The following DACH2 variants were observed in gnomAD, a reference collection of about 807,000 sequenced individuals.
The protein encoded by DACH2 is dachshund homolog 2.
In DACH2, 17 loss-of-function variants were observed where a neutral mutation model predicts 35.8. That is an observed-to-expected ratio of 0.48 (90% CI 0.33 to 0.71). The LOEUF (loss-of-function observed/expected upper bound fraction) is 0.71. Among genes scored for constraint, DACH2 ranks in the 30% least tolerant of loss-of-function variants. The pLI is 0.02. For missense variants in DACH2, 469 were observed against 472.7 expected, an observed-to-expected ratio of 0.99 and a Z score of 0.07; for synonymous variants, 195 against 177.3, an observed-to-expected ratio of 1.10 and a Z score of -0.79.
intron 1 of DACH2, among the ~76,000 whole-genome samples, chrX:86,152,208 T>G (rs1336352791): frequency 9.0e-6 from 1 of 111,657 alleles, no homozygotes; most frequent in African/African-American, 3.3e-5. Context: ...TTGGCAATTT[T>G]CTCTTTCTGT....
At chrX:86,590,486 C>T (rs999046943) in intron 3 of DACH2, among the ~76,000 whole-genome samples, 1 of 111,810 alleles carries the variant, frequency 8.9e-6, no homozygotes, top group African/African-American at 3.2e-5. Flanking sequence ...ATCTTAGTTG[C>T]TTCCAAGTTT....
chrX:86,544,340 A>G (rs1413181312), intron 3 of DACH2, among the ~76,000 whole-genome samples: 1 of 111,258 alleles, frequency 9.0e-6, no homozygotes, highest in Non-Finnish European at 1.9e-5. Flanking sequence ...ACATATAGTC[A>G]TCAGATTATC....
At chrX:86,313,457 A>C (rs1428510406) in intron 1 of DACH2, among the ~76,000 whole-genome samples, 1 of 111,839 alleles carries the variant, frequency 8.9e-6, no homozygotes, top group Non-Finnish European at 1.9e-5. Flanking sequence ...TTCATTTCTC[A>C]ATTTAAAACA....
chrX:86,339,084 A>G (rs1338792606), intron 1 of DACH2, among the ~76,000 whole-genome samples: 1 of 111,952 alleles, frequency 8.9e-6, no homozygotes, highest in Non-Finnish European at 1.9e-5. Context: ...ATAGCCTACC[A>G]ACCAAAAACA....
At chrX:86,482,794 G>A (rs1291938619) in intron 2 of DACH2, among the ~76,000 whole-genome samples, 1 of 110,484 alleles carries the variant, frequency 9.1e-6, no homozygotes, top group Non-Finnish European at 1.9e-5. Flanking sequence ...TATACACCAT[G>A]GAATACTATG....
intron 1 of DACH2, among the ~76,000 whole-genome samples, chrX:86,270,039 A>AT (rs764916607): frequency 0.014 from 1,290 of 94,027 alleles, 9 homozygotes; most frequent in African/African-American, 0.037. Flanking sequence ...ATATATATAT[A>AT]TTTTTTTTTT....
intron 2 of DACH2, among the ~76,000 whole-genome samples, chrX:86,387,974 T>C (rs937527102): frequency 8.9e-6 from 1 of 112,663 alleles, no homozygotes; most frequent in Non-Finnish European, 1.9e-5. Context: ...TTGCTGAGCA[T>C]GTGCTCCCAG....
At chrX:86,224,770 A>G (rs1298000961) in intron 1 of DACH2, among the ~76,000 whole-genome samples, 1 of 111,739 alleles carries the variant, frequency 8.9e-6, no homozygotes, top group African/African-American at 3.2e-5. Flanking sequence ...GCTTAAGAAC[A>G]GGAAAATGCA....
At position 86,642,762 on chromosome X, in the gene DACH2, A is replaced by C. The variant is rs200550703; in HGVS notation, c.641-8274A>C. ...CCAAAATCATTCCAAACACCTTTTC[A>C]GACCACAGCTCAATAAAAATAGAAA... On this transcript the variant is annotated intron_variant, in intron 3 of 11. Coordinates refer to ENST00000373125, the MANE Select transcript of DACH2 (RefSeq NM_053281.3). Among the ~76,000 whole-genome samples, 7 of 112,353 alleles carry C rather than the reference A, an allele frequency of 6.2e-5. No individual in the cohort carries two copies. The East Asian group carries it at 2.0e-3, about 31-fold the overall frequency.
chrX:86,625,456 A>T (rs1456342638), intron 3 of DACH2, among the ~76,000 whole-genome samples: 1 of 111,137 alleles, frequency 9.0e-6, no homozygotes, highest in East Asian at 2.8e-4. Flanking sequence ...GTGTAATTCA[A>T]ACATGTCATT....
intron 7 of DACH2, among the ~76,000 whole-genome samples, chrX:86,755,173 G>A (rs1324696471): frequency 9.0e-6 from 1 of 111,599 alleles, no homozygotes; most frequent in African/African-American, 3.3e-5. Flanking sequence ...ACTTTGTGAT[G>A]TTGAACATTT....
At chrX:86,816,181 C>A in intron 11 of DACH2, 82 bp downstream of exon 11, 1 of 549,200 alleles carries the variant, frequency 1.8e-6, no homozygotes, top group Non-Finnish European at 2.8e-6. Flanking sequence ...TGGGGATGAG[C>A]TTCTGTGATG....
At chrX:86,173,794 G>T (rs140957060) in intron 1 of DACH2, among the ~76,000 whole-genome samples, 1 of 112,163 alleles carries the variant, frequency 8.9e-6, no homozygotes, top group Non-Finnish European at 1.9e-5. Context: ...TGAAAGGATT[G>T]CTCTGGCTAG....
chrX:86,435,338 G>A (rs1170997326), intron 2 of DACH2, among the ~76,000 whole-genome samples: 1 of 111,471 alleles, frequency 9.0e-6, no homozygotes, highest in Non-Finnish European at 1.9e-5. Context: ...TTTCAAGTTT[G>A]GTTAAATATA....
intron 2 of DACH2, among the ~76,000 whole-genome samples, chrX:86,428,470 T>C (rs1259249291): frequency 1.8e-5 from 2 of 112,182 alleles, no homozygotes; most frequent in Non-Finnish European, 1.9e-5. Context: ...CCTCTTTGAT[T>C]GTCATCTGCT....
In DACH2 at chrX:86,433,941, TTG is replaced by T. The variant is rs1431404681; in HGVS notation, c.527+57084_527+57085del. ...CTGGGCCAAATCTTTGTGAGAACTG[TTG>T]TGTGAATGGTATGCAGTGTTCACAG... On this transcript the variant is annotated intron_variant, in intron 2 of 11. Coordinates refer to ENST00000373125, the MANE Select transcript of DACH2 (RefSeq NM_053281.3). 2.7e-5 allele frequency among the ~76,000 whole-genome samples: 3 copies of T among 111,642 alleles called. No individual in the cohort carries two copies. The East Asian group carries it at 8.5e-4, about 32-fold the overall frequency.
intron 2 of DACH2, among the ~76,000 whole-genome samples, chrX:86,475,919 A>G (rs1214738020): frequency 1.8e-5 from 2 of 112,337 alleles, no homozygotes; most frequent in African/African-American, 6.5e-5. Context: ...ATTTTTCAAC[A>G]TCAATGAAAA....
chrX:86,703,451 C>T (rs981308225), intron 5 of DACH2, among the ~76,000 whole-genome samples: 2 of 110,842 alleles, frequency 1.8e-5, no homozygotes. Context: ...AAAGAAAAGA[C>T]ATACAAATAG....
At chrX:86,743,364 A>G (rs554242739) in intron 7 of DACH2, among the ~76,000 whole-genome samples, 3 of 111,585 alleles carry the variant, frequency 2.7e-5, no homozygotes, top group Middle Eastern at 4.6e-3. Flanking sequence ...ATGAAAACTG[A>G]GTACAACTTT....
Sources: allele counts gnomAD v4.1 joint callset (sites outside exome capture counted in the v4.1 genomes callset), GRCh38; gene constraint gnomAD v4.1.1; transcripts MANE v1.5; gene names NCBI Gene and HGNC (gene_info 2026-07-23, HGNC 2026-07-21).